Variants in CHD2 observed in about 807,000 individuals in gnomAD.
The protein encoded by CHD2 is ATP-dependent chromatin remodeler CHD2.
CHD2 carries 28 observed loss-of-function variants against 243.9 expected under a neutral mutation model. The observed-to-expected ratio is 0.11, with a 90% CI of 0.09 to 0.16. The LOEUF is 0.16. CHD2 is among the 10% of genes least tolerant of loss of function. The probability of loss-of-function intolerance (pLI) is 1.00; values close to 1 mark genes in which losing one functional copy is unlikely to be tolerated. For synonymous variants in CHD2, 775 were observed against 779.0 expected, an observed-to-expected ratio of 0.99 and a Z score of 0.09; for missense variants, 1,386 against 2,209.8, an observed-to-expected ratio of 0.63 and a Z score of 7.47.
At chr15:93,007,118 T>C (rs1317296003) in intron 34 of CHD2, among the ~76,000 whole-genome samples, 1 of 152,244 alleles carries the variant, frequency 6.6e-6, no homozygotes, top group Admixed American at 6.5e-5. Flanking sequence ...TATTAGATAC[T>C]CGAGTTCCTC....
chr15:92,918,216 G>A (rs1293098391), intron 2 of CHD2, among the ~76,000 whole-genome samples: 1 of 152,062 alleles, frequency 6.6e-6, no homozygotes, highest in Non-Finnish European at 1.5e-5. Context: ...TAATCACTCC[G>A]TTTTTACCTA....
chr15:92,960,705 GTTTTTTTTTTTT>G (rs71467745), intron 16 of CHD2, among the ~76,000 whole-genome samples: 21 of 51,468 alleles, frequency 4.1e-4, no homozygotes, highest in African/African-American at 1.5e-3. Context: ...TCTGTTTGGT[GTTTTTTTTTTTT>G]TTTTTTTTTT....
chr15:92,964,361 C>G (rs2053728237), intron 16 of CHD2, among the ~76,000 whole-genome samples: 1 of 152,218 alleles, frequency 6.6e-6, no homozygotes, highest in Non-Finnish European at 1.5e-5. Context: ...GCCCTTATTT[C>G]TGCCTGAGCT....
Position 93,000,782 on chromosome 15 carries a change from G to A in CHD2, c.4137+142G>A, listed in dbSNP as rs577125414. The A allele has an allele frequency of 9.9e-6, 9 of 908,464 alleles. No individual in the cohort carries two copies. In the South Asian group the frequency reaches 1.9e-4, roughly 19 times the overall value. 56.3% of individuals were successfully genotyped at this position (908,464 alleles called of 1,614,324 possible). A position where few individuals can be genotyped will look rare whatever the true frequency, so the allele number is the denominator to read the frequency against. On this transcript the variant is annotated intron_variant, in intron 32 of 38. Transcript: ENST00000394196. ...GAATATGTAAGTCTTCGCTTAATCT[G>A]TCAGCGAGGATAGTTTAAGTCAGCA... is the stretch of plus-strand genomic sequence containing the variant.
intron 28 of CHD2, among the ~76,000 whole-genome samples, chr15:92,995,101 A>AT (rs1430874534): frequency 1.3e-5 from 2 of 152,218 alleles, no homozygotes; most frequent in African/African-American, 4.8e-5. Context: ...GAATGCTGAA[A>AT]TGCGAAGTGT....
At chr15:93,018,668 G>A (rs968691379) in intron 37 of CHD2, among the ~76,000 whole-genome samples, 4 of 152,186 alleles carry the variant, frequency 2.6e-5, no homozygotes, top group South Asian at 2.1e-4. Flanking sequence ...TGGAGGCTCC[G>A]AGGGAAAAGC....
intron 2 of CHD2, among the ~76,000 whole-genome samples, chr15:92,916,675 T>A (rs1020530011): frequency 2.6e-5 from 4 of 152,190 alleles, no homozygotes; most frequent in African/African-American, 9.7e-5. Context: ...TACCTTGGCC[T>A]CCCGAGTAAC....
chr15:92,918,584 C>T (rs1237501108), intron 2 of CHD2, among the ~76,000 whole-genome samples: 1 of 152,080 alleles, frequency 6.6e-6, no homozygotes, highest in Non-Finnish European at 1.5e-5. Context: ...TTAAAGGACT[C>T]CACTCACTAA....
chr15:92,915,519 C>T (rs2052817786), intron 2 of CHD2, among the ~76,000 whole-genome samples: 1 of 152,152 alleles, frequency 6.6e-6, no homozygotes, highest in Non-Finnish European at 1.5e-5. Context: ...GATCTGCCTG[C>T]CTCGGCCTCC....
chr15:92,984,637 A>G (rs1200463400), intron 25 of CHD2, 137 bp downstream of exon 25: 4 of 731,222 alleles, frequency 5.5e-6, no homozygotes. Flanking sequence ...ACTGTAGGAA[A>G]CTTAACAAAG....
intron 17 of CHD2, among the ~76,000 whole-genome samples, chr15:92,969,126 CAGTT>C (rs2053806082): frequency 6.6e-6 from 1 of 152,144 alleles, no homozygotes; most frequent in Non-Finnish European, 1.5e-5. Context: ...ATGAATGTGT[CAGTT>C]GGTCAGTGCT....
At chr15:92,922,773 G>A (rs948883454) in intron 2 of CHD2, among the ~76,000 whole-genome samples, 1 of 152,150 alleles carries the variant, frequency 6.6e-6, no homozygotes, top group African/African-American at 2.4e-5. Context: ...GAGTCCATCC[G>A]TTTGAGGTCT....
chr15:93,011,697 G>A (rs1480314215), intron 35 of CHD2, among the ~76,000 whole-genome samples: 1 of 152,138 alleles, frequency 6.6e-6, no homozygotes, highest in Non-Finnish European at 1.5e-5. Context: ...CTAAACACCT[G>A]TCTCATCATA....
At chr15:92,956,319 C>G (rs746397982) in intron 15 of CHD2, 140 bp from the exon 16 acceptor site, 38 of 636,008 alleles carry the variant, frequency 6.0e-5, no homozygotes, top group Non-Finnish European at 9.9e-5. Flanking sequence ...CAGAAGAGGC[C>G]TAATATATAT....
intron 17 of CHD2, 120 bp from the exon 18 acceptor site, chr15:92,971,645 T>A: frequency 1.4e-6 from 1 of 716,152 alleles, no homozygotes; most frequent in Non-Finnish European, 2.1e-6. Flanking sequence ...CTTTGCTTCT[T>A]AAACTTTTTT....
intron 2 of CHD2, among the ~76,000 whole-genome samples, chr15:92,911,690 G>C (rs1416694243): frequency 6.6e-6 from 1 of 152,032 alleles, no homozygotes; most frequent in Non-Finnish European, 1.5e-5. Flanking sequence ...AGCTCAGATC[G>C]CACCACTCCA....
intron 2 of CHD2, among the ~76,000 whole-genome samples, chr15:92,923,564 T>G (rs2053000823): frequency 6.7e-6 from 1 of 148,404 alleles, no homozygotes; most frequent in South Asian, 2.2e-4. Flanking sequence ...CCAGCTTGTT[T>G]TTTTTTTTTT....
intron 16 of CHD2, among the ~76,000 whole-genome samples, chr15:92,965,945 A>G (rs930757720): frequency 6.6e-6 from 1 of 152,186 alleles, no homozygotes; most frequent in African/African-American, 2.4e-5. Context: ...GTATTCAGAA[A>G]ATAGCCTGAT....
Position 92,978,338 on chromosome 15 carries a change from C to T in CHD2, c.2682C>T (p.Asp894=). 6.2e-7 allele frequency: 1 copy of T among 1,614,104 alleles called. No individual in the cohort carries two copies. ...ACTCTGACTGGAACCCCCAGAATGA[C>T]TTGCAGGCACAAGCCCGAGCGCATA... ...IFDSDWNPQN[D]LQAQARAHRI... The change falls in exon 21 of 39, where the codon GAC becomes GAT. Residue 894 remains aspartate, a synonymous_variant. Coordinates refer to ENST00000394196, the MANE Select transcript of CHD2 (RefSeq NM_001271.4).
Sources: gnomAD v4.1 joint callset for allele counts (sites outside exome capture counted in the v4.1 genomes callset) on GRCh38, gnomAD v4.1.1 for gene constraint, MANE v1.5 for transcripts, NCBI Gene and HGNC (gene_info 2026-07-23, HGNC 2026-07-21) for gene names.